COL25A1: variants seen among roughly 807,000 people sequenced by gnomAD.
COL25A1 encodes collagen type XXV alpha 1 chain.
In COL25A1, 103 loss-of-function variants were observed where a neutral mutation model predicts 128.4. That is an observed-to-expected ratio of 0.80 (90% CI 0.68 to 0.94). The LOEUF (loss-of-function observed/expected upper bound fraction) is 0.94. COL25A1 is among the 40% of genes least tolerant of loss of function. The probability of loss-of-function intolerance (pLI) is 0.00; values close to 1 mark genes in which losing one functional copy is unlikely to be tolerated. For missense variants in COL25A1, 745 were observed against 840.0 expected, an observed-to-expected ratio of 0.89 and a Z score of 1.40; for synonymous variants, 279 against 277.2, an observed-to-expected ratio of 1.01 and a Z score of -0.06.
In COL25A1 at chr4:109,082,625, C is replaced by A. The variant is rs1400093503; in HGVS notation, c.368-32446G>T. On this transcript the variant is annotated intron_variant, in intron 3 of 37. Coordinates refer to ENST00000399132, the MANE Select transcript of COL25A1 (RefSeq NM_198721.4). ...AGAAATGTCTATTCAGATCTTTTGA[C>A]CATTTTAAAATTGGTTTGTCTTTTT... Among the ~76,000 whole-genome samples, 3 of 152,228 alleles carry A rather than the reference C, an allele frequency of 2.0e-5. No homozygotes were observed. In the East Asian group the frequency reaches 5.8e-4, roughly 29 times the overall value.
chr4:109,254,403 C>A (rs1047809004), intron 3 of COL25A1, among the ~76,000 whole-genome samples: 6 of 144,920 alleles, frequency 4.1e-5, no homozygotes, highest in Non-Finnish European at 6.0e-5. Context: ...CGCTATTGAG[C>A]AGTTTCCTGT....
chr4:108,931,081 G>A (rs990429607), intron 11 of COL25A1, among the ~76,000 whole-genome samples: 3 of 152,140 alleles, frequency 2.0e-5, no homozygotes, highest in African/African-American at 7.2e-5. Context: ...GTTACAAGAA[G>A]TGACAACTAG....
At chr4:108,878,580 A>AG (rs1739734852) in intron 19 of COL25A1, among the ~76,000 whole-genome samples, 1 of 152,170 alleles carries the variant, frequency 6.6e-6, no homozygotes, top group Non-Finnish European at 1.5e-5. Flanking sequence ...AAAATTATTG[A>AG]GGGGAAAAAA....
chr4:108,867,000 G>A (rs1205551882), intron 20 of COL25A1, among the ~76,000 whole-genome samples: 1 of 152,200 alleles, frequency 6.6e-6, no homozygotes, highest in Non-Finnish European at 1.5e-5. Flanking sequence ...TCAGGGTTCA[G>A]AGTAGTATCT....
At chr4:108,873,523 T>TAGC (rs1237401366) in intron 19 of COL25A1, among the ~76,000 whole-genome samples, 43 of 8,970 alleles carry the variant, frequency 4.8e-3, no homozygotes, top group Non-Finnish European at 0.012. Flanking sequence ...GTTAGCTGTC[T>TAGC]AGTAGTAGTA....
At chr4:109,295,845 G>C (rs1287685004) in intron 3 of COL25A1, among the ~76,000 whole-genome samples, 1 of 151,934 alleles carries the variant, frequency 6.6e-6, no homozygotes, top group East Asian at 1.9e-4. Flanking sequence ...TTCTTATTTT[G>C]TACACCATCA....
rs1228486697 is a variant in COL25A1 at position 108,809,879 on chromosome 4, TC to T, written c.*4047del. On this transcript the variant is annotated 3_prime_UTR_variant, in exon 38 of 38. Coordinates refer to ENST00000399132, the MANE Select transcript of COL25A1 (RefSeq NM_198721.4). ...AATAGCCAGAATCACATGTGATTGT[TC>T]TTACTTATTATTTTTAGAAAGATAA... 1 of 152,064 alleles carries T rather than the reference TC, an allele frequency of 6.6e-6. No homozygotes were observed. Among genetic ancestry groups the T allele is most frequent in the Non-Finnish European group, 1.5e-5 (1 of 67,904 alleles). 9.4% of individuals were successfully genotyped at this position (152,064 alleles called of 1,614,324 possible).
At chr4:108,943,836 A>AC (rs1264912108) in intron 8 of COL25A1, among the ~76,000 whole-genome samples, 2 of 151,824 alleles carry the variant, frequency 1.3e-5, no homozygotes, top group Non-Finnish European at 2.9e-5. Flanking sequence ...AAAAAAAAAA[A>AC]ACACAGAACA....
At chr4:108,868,593 GAAGA>G (rs1320061964) in intron 20 of COL25A1, among the ~76,000 whole-genome samples, 41 of 133,028 alleles carry the variant, frequency 3.1e-4, no homozygotes, top group Non-Finnish European at 4.0e-4. Context: ...AGGAAGGAAG[GAAGA>G]AAGAAAGAAA....
chr4:108,825,074 C>T (rs989759434), intron 34 of COL25A1, 122 bp downstream of exon 34: 2 of 695,710 alleles, frequency 2.9e-6, no homozygotes, highest in African/African-American at 3.6e-5. Flanking sequence ...ACATGCACAG[C>T]AATATATGTT....
At chr4:109,003,365 G>T (rs1755640933) in intron 6 of COL25A1, among the ~76,000 whole-genome samples, 2 of 152,210 alleles carry the variant, frequency 1.3e-5, no homozygotes, top group Non-Finnish European at 2.9e-5. Context: ...CTTGCACATT[G>T]TACCTTATAT....
chr4:109,045,030 G>T (rs564782152), intron 5 of COL25A1, among the ~76,000 whole-genome samples: 7 of 152,216 alleles, frequency 4.6e-5, no homozygotes, highest in Admixed American at 3.9e-4. Flanking sequence ...CTCCTCCTCA[G>T]ATTATTCAAT....
intron 33 of COL25A1, among the ~76,000 whole-genome samples, chr4:108,825,857 C>A (rs1732309103): frequency 1.3e-5 from 2 of 152,086 alleles, no homozygotes; most frequent in African/African-American, 4.8e-5. Context: ...AATGAATAAT[C>A]CCCAAATTTT....
chr4:109,270,424 C>G (rs1293074795), intron 3 of COL25A1, among the ~76,000 whole-genome samples: 1 of 152,140 alleles, frequency 6.6e-6, no homozygotes, highest in African/African-American at 2.4e-5. Flanking sequence ...TATACACCAA[C>G]AGCAGACAAA....
chr4:108,957,102 T>G (rs777378883), intron 8 of COL25A1, among the ~76,000 whole-genome samples: 2 of 152,154 alleles, frequency 1.3e-5, no homozygotes, highest in Non-Finnish European at 2.9e-5. Context: ...AACAGACACA[T>G]ACACAGGTAG....
At chr4:108,953,308 A>C (rs1392196725) in intron 8 of COL25A1, among the ~76,000 whole-genome samples, 5 of 152,138 alleles carry the variant, frequency 3.3e-5, no homozygotes, top group Non-Finnish European at 7.4e-5. Flanking sequence ...CTTTAGTTCA[A>C]ATCCTAATTT....
rs1403972253 is a variant in COL25A1, at chr4:108,937,800, A to T, written c.708+8T>A. 1.2e-6 allele frequency: 2 copies of T among 1,602,480 alleles called. No homozygotes were observed. Among genetic ancestry groups the T allele is most frequent in the South Asian group, 2.3e-5 (2 of 88,484 alleles). On this transcript the variant is annotated splice_region_variant and intron_variant, in intron 11 of 37. Transcript: ENST00000399132. Reference sequence around the variant, plus strand: ...TTAGTATAGAAAAAGATAAACTGAGATACTTGCCATCAAGCCTTGTTCTCC... The same window carrying T: ...TTAGTATAGAAAAAGATAAACTGAGTTACTTGCCATCAAGCCTTGTTCTCC...
At chr4:109,280,733 A>G (rs1723299740) in intron 3 of COL25A1, among the ~76,000 whole-genome samples, 1 of 151,946 alleles carries the variant, frequency 6.6e-6, no homozygotes, top group Non-Finnish European at 1.5e-5. Flanking sequence ...GCTCACTGCA[A>G]CCTCAGTCTC....
At chr4:109,050,236 A>C in intron 3 of COL25A1, 57 bp from the exon 4 acceptor site, 1 of 1,268,460 alleles carries the variant, frequency 7.9e-7, no homozygotes. Context: ...CTGGTTCCAA[A>C]ATAGCTAGTA....
Sources: allele counts gnomAD v4.1 joint callset (sites outside exome capture counted in the v4.1 genomes callset), GRCh38; gene constraint gnomAD v4.1.1; transcripts MANE v1.5; gene names NCBI Gene and HGNC (gene_info 2026-07-23, HGNC 2026-07-21).